Variants in NT5DC1 observed in about 807,000 individuals in gnomAD.
NT5DC1 encodes 5'-nucleotidase domain-containing protein 1.
NT5DC1 carries 42 observed loss-of-function variants against 59.4 expected under a neutral mutation model. The observed-to-expected ratio is 0.71, with a 90% CI of 0.55 to 0.92. The LOEUF (loss-of-function observed/expected upper bound fraction) is 0.92. Among genes scored for constraint, NT5DC1 ranks in the 40% least tolerant of loss-of-function variants. NT5DC1 has a pLI of 0.00. For missense variants in NT5DC1, 501 were observed against 537.1 expected (o/e 0.93, Z 0.66); for synonymous variants, 172 against 188.1 (o/e 0.91, Z 0.70).
At chr6:116,234,620 T>G (rs1782081667) in intron 8 of NT5DC1, among the ~76,000 whole-genome samples, 1 of 152,200 alleles carries the variant, frequency 6.6e-6, no homozygotes, top group African/African-American at 2.4e-5. Context: ...GGATTACAGG[T>G]GTGAGCCACC....
At chr6:116,238,642 C>A (rs1378728033) in intron 10 of NT5DC1, among the ~76,000 whole-genome samples, 1 of 151,904 alleles carries the variant, frequency 6.6e-6, no homozygotes, top group Non-Finnish European at 1.5e-5. Context: ...CTTTAGACAT[C>A]ATCATCATCA....
At chr6:116,109,859 A>G (rs1448602514) in intron 3 of NT5DC1, among the ~76,000 whole-genome samples, 3 of 151,034 alleles carry the variant, frequency 2.0e-5, no homozygotes, top group Non-Finnish European at 2.9e-5. Flanking sequence ...TCTCATAATA[A>G]ACTACATTAA....
At chr6:116,178,052 AGTGTGTGTGTGTGTGT>A (rs61085607) in intron 6 of NT5DC1, among the ~76,000 whole-genome samples, 12 of 136,318 alleles carry the variant, frequency 8.8e-5, no homozygotes, top group African/African-American at 3.0e-4. Context: ...CAAAGAGGAA[AGTGTGTGTGTGTGTGT>A]GTGTGTGTGT....
intron 1 of NT5DC1, among the ~76,000 whole-genome samples, chr6:116,101,710 A>G (rs919529849): frequency 4.6e-5 from 7 of 152,180 alleles, no homozygotes; most frequent in African/African-American, 1.7e-4. Context: ...CTGTGCCCTG[A>G]GGGAGGGGGA....
intron 6 of NT5DC1, among the ~76,000 whole-genome samples, chr6:116,132,130 A>G (rs564492382): frequency 1.1e-4 from 16 of 152,248 alleles, no homozygotes; most frequent in African/African-American, 3.4e-4. Context: ...TATAGTGAAT[A>G]ACTTTGTGTG....
chr6:116,217,193 G>A (rs1349424172), intron 6 of NT5DC1, among the ~76,000 whole-genome samples: 4 of 152,264 alleles, frequency 2.6e-5, no homozygotes, highest in Middle Eastern at 3.4e-3. Flanking sequence ...TTTTTACCAC[G>A]AGAGGTCCCT....
At chr6:116,228,462 C>A (rs1781949266) in intron 8 of NT5DC1, among the ~76,000 whole-genome samples, 2 of 151,754 alleles carry the variant, frequency 1.3e-5, no homozygotes, top group Admixed American at 1.3e-4. Context: ...GAGCCAAGAT[C>A]GCGCCATTGC....
intron 4 of NT5DC1, among the ~76,000 whole-genome samples, chr6:116,112,319 T>C (rs2114904643): frequency 1.3e-5 from 2 of 152,234 alleles, no homozygotes; most frequent in Admixed American, 1.3e-4. Flanking sequence ...TAAAAAATAA[T>C]ATGAGTTTTT....
At chr6:116,113,079 T>C (rs1397003482) in intron 4 of NT5DC1, among the ~76,000 whole-genome samples, 1 of 152,230 alleles carries the variant, frequency 6.6e-6, no homozygotes, top group Non-Finnish European at 1.5e-5. Flanking sequence ...GCAAATCCCT[T>C]TGAACTTATC....
chr6:116,164,341 C>T (rs1447495377), intron 6 of NT5DC1, among the ~76,000 whole-genome samples: 1 of 151,852 alleles, frequency 6.6e-6, no homozygotes, highest in African/African-American at 2.4e-5. Flanking sequence ...TGTATCATAC[C>T]CTTCTTTGTC....
At chr6:116,214,975 G>C (rs1781662062) in intron 6 of NT5DC1, among the ~76,000 whole-genome samples, 1 of 152,098 alleles carries the variant, frequency 6.6e-6, no homozygotes, top group Non-Finnish European at 1.5e-5. Context: ...GAGGTCTCTA[G>C]GGTGGGGGGC....
At position 116,221,094 on chromosome 6, in the gene NT5DC1, A is replaced by C; in HGVS notation, c.570A>C (p.Pro190=). The part of the protein sequence containing the change: ...GIYFPEIKRD[P]GRYLHSCPES... ...ATTTTCCAGAAATAAAAAGAGATCC[A>C]GGCAGATATTTACATAGTTGTCCTG... The change falls in exon 7 of 12, where the codon CCA becomes CCC. Residue 190 remains proline, a synonymous_variant. Transcript: ENST00000319550. 6.4e-7 allele frequency: 1 copy of C among 1,560,666 alleles called. No homozygotes were observed. Among genetic ancestry groups the C allele is most frequent in the Non-Finnish European group, 8.8e-7 (1 of 1,133,930 alleles).
At chr6:116,101,278 G>A (rs1424834377) in intron 1 of NT5DC1, among the ~76,000 whole-genome samples, 1 of 152,144 alleles carries the variant, frequency 6.6e-6, no homozygotes, top group African/African-American at 2.4e-5. Flanking sequence ...CGAAGGAGGG[G>A]CAAACTGCGC....
intron 6 of NT5DC1, among the ~76,000 whole-genome samples, chr6:116,162,858 C>G (rs1426381242): frequency 2.6e-5 from 4 of 152,042 alleles, no homozygotes; most frequent in South Asian, 4.1e-4. Flanking sequence ...GGCACAGTGG[C>G]TCAGAGCGCC....
At chr6:116,207,702 G>A (rs560382348) in intron 6 of NT5DC1, among the ~76,000 whole-genome samples, 3 of 151,984 alleles carry the variant, frequency 2.0e-5, no homozygotes, top group African/African-American at 7.2e-5. Flanking sequence ...GCCCTGCTTA[G>A]AGTAGAATAT....
At chr6:116,192,306 A>G (rs1434396287) in intron 6 of NT5DC1, among the ~76,000 whole-genome samples, 1 of 151,980 alleles carries the variant, frequency 6.6e-6, no homozygotes, top group Admixed American at 6.6e-5. Context: ...AGGAGCTCTC[A>G]ATAAATATCA....
rs757792637 is a variant in NT5DC1 at position 116,110,906 on chromosome 6, A to C, written c.314A>C (p.Lys105Thr). 6.2e-7 allele frequency: 1 copy of C among 1,614,188 alleles called. No individual in the cohort carries two copies. Among genetic ancestry groups the C allele is most frequent in the East Asian group, 2.2e-5 (1 of 44,880 alleles). ...GAGGTGCTGGCAGAGGCATATGGCAAGAAAGAGTGGAAGCACTTCTTGTCG... is the reference window on the plus strand; with the variant it reads ...GAGGTGCTGGCAGAGGCATATGGCACGAAAGAGTGGAAGCACTTCTTGTCG... ...TPEVLAEAYGKKEWKHFLSDT... is the reference protein window; with the variant it reads ...TPEVLAEAYGTKEWKHFLSDT... Residue 105 changes from lysine (K) to threonine (T), a missense_variant, in exon 4 of 12, where the codon AAG (lysine) becomes ACG (threonine). By Grantham distance (78) the Lys-to-Thr change is moderately conservative (BLOSUM62 -1). Coordinates refer to ENST00000319550, the MANE Select transcript of NT5DC1 (RefSeq NM_152729.3).
rs1473462640 is a variant in NT5DC1 at position 116,244,093 on chromosome 6, T to TA, written c.*70dup. On this transcript the variant is annotated 3_prime_UTR_variant, in exon 12 of 12. Coordinates refer to ENST00000319550, the MANE Select transcript of NT5DC1 (RefSeq NM_152729.3). ...TAAAAAAAAGTTAATTTTCAAAAAA[T>TA]ACTGTAAAAGACTTTAAGGAACAAG... The TA allele has an allele frequency of 6.7e-6, 4 of 599,140 alleles. No homozygotes were observed. Among genetic ancestry groups the TA allele is most frequent in the African/African-American group, 1.9e-5 (1 of 52,586 alleles). 37.1% of individuals were successfully genotyped at this position (599,140 alleles called of 1,614,324 possible).
At chr6:116,211,209 C>G (rs1781571755) in intron 6 of NT5DC1, among the ~76,000 whole-genome samples, 1 of 152,008 alleles carries the variant, frequency 6.6e-6, no homozygotes, top group South Asian at 2.1e-4. Context: ...CCGTTCCAGC[C>G]AGCCCAGCCC....
Sources: gnomAD v4.1 joint callset for allele counts (sites outside exome capture counted in the v4.1 genomes callset) on GRCh38, gnomAD v4.1.1 for gene constraint, MANE v1.5 for transcripts, NCBI Gene and HGNC (gene_info 2026-07-23, HGNC 2026-07-21) for gene names.